The following POM121L2 variants were observed in gnomAD, a reference collection of about 807,000 sequenced individuals.
POM121L2 encodes POM121 transmembrane nucleoporin like 2, also known as POM121-like protein 2.
For synonymous variants in POM121L2, 459 were observed against 483.8 expected (o/e 0.95, Z 0.67); for missense variants, 1,167 against 1,260.3 (o/e 0.93, Z 1.12).
rs1357110413 is a variant in POM121L2, at chr6:27,310,240, C to T, written c.1931G>A (p.Gly644Asp). ...DSVFKPPLDF[G>D]VVNVTSAVGN... ...TACGGCACTGGTGACATTCACTACACCAAAATCCAAAGGTGGCTTAAAAAC... is the reference window on the plus strand; with the variant it reads ...TACGGCACTGGTGACATTCACTACATCAAAATCCAAAGGTGGCTTAAAAAC... Residue 644 changes from glycine to aspartate, a missense_variant, in exon 1 of 1, where the codon GGT (glycine) becomes GAT (aspartate). Coordinates refer to ENST00000444565, the MANE Select transcript of POM121L2 (RefSeq NM_033482.4). 5 of 1,552,236 alleles carry T rather than the reference C, an allele frequency of 3.2e-6. No individual in the cohort carries two copies. Among genetic ancestry groups the T allele is most frequent in the Non-Finnish European group, 4.4e-6 (5 of 1,147,150 alleles).
In POM121L2 at chr6:27,310,074, G is replaced by A; in HGVS notation, c.2097C>T (p.Val699=). The A allele has an allele frequency of 6.4e-7, 1 of 1,552,234 alleles. No individual in the cohort carries two copies. The highest frequency in any genetic ancestry group is 8.7e-7 in the Non-Finnish European group (1 of 1,147,108). The change falls in exon 1 of 1, where the codon GTC becomes GTT. Residue 699 remains valine (V), a synonymous_variant. Coordinates refer to ENST00000444565, the MANE Select transcript of POM121L2 (RefSeq NM_033482.4). ...TGGAAAGGACCTGGGTAAACATGGT[G>A]ACTGTATGCACAGTAGGAATTGTAG... The part of the protein sequence containing the change: ...HHPTIPTVHT[V]TMFTQVLSSV...
Position 27,311,081 on chromosome 6 carries a change from C to T in POM121L2, c.1090G>A (p.Gly364Arg), listed in dbSNP as rs1484344877. The T allele has an allele frequency of 8.4e-6, 13 of 1,551,800 alleles. No homozygotes were observed. Among genetic ancestry groups the T allele is most frequent in the Non-Finnish European group, 7.0e-6 (8 of 1,147,046 alleles). Reference protein sequence around the residue: ...KAELQVSNNAGEDTTEVNTDP... With the variant: ...KAELQVSNNAREDTTEVNTDP... The stretch of plus-strand genomic sequence containing the variant: ...GTGTTGACCTCAGTTGTATCTTCTC[C>T]TGCGTTGTTGCTTACCTGTAGCTCA... The change falls in exon 1 of 1, where the codon GGA (glycine) becomes AGA (arginine). Residue 364 changes from glycine (G) to arginine (R), a missense_variant. Gly to Arg is a moderately radical substitution (Grantham distance 125). Coordinates refer to ENST00000444565, the MANE Select transcript of POM121L2 (RefSeq NM_033482.4).
rs1327834617 is a variant in POM121L2, at chr6:27,310,845, G to A, written c.1326C>T (p.Thr442=). 6.4e-7 allele frequency: 1 copy of A among 1,551,612 alleles called. No homozygotes were observed. The highest frequency in any genetic ancestry group is 1.4e-5 in the African/African-American group (1 of 73,028). Residue 442 remains threonine (T), a synonymous_variant, in exon 1 of 1, where the codon ACC becomes ACT. Transcript: ENST00000444565. ...HSPLKTPSLP[T]PPGCSQSELL... ...GCTCTGACTGTGAGCACCCAGGTGGGGTCGGTAGGCTGGGTGTCTTCAAAG... is the reference window on the plus strand; with the variant it reads ...GCTCTGACTGTGAGCACCCAGGTGGAGTCGGTAGGCTGGGTGTCTTCAAAG...
chr6:27,312,177 A>C lies in POM121L2; in HGVS notation c.-7T>G. The C allele has an allele frequency of 1.4e-6, 2 of 1,434,138 alleles. No individual in the cohort carries two copies. The highest frequency in any genetic ancestry group is 1.8e-6 in the Non-Finnish European group (2 of 1,092,288). 88.8% of individuals were successfully genotyped at this position (1,434,138 alleles called of 1,614,324 possible). A position where few individuals can be genotyped will look rare whatever the true frequency, so the allele number is the denominator to read the frequency against. ...TGCTCAGGAAACTGCCCATGAGGAG[A>C]GATGAGGCGCGGGCAGTGAGTTCAA... On this transcript the variant is annotated 5_prime_UTR_variant, in exon 1 of 1. Coordinates refer to ENST00000444565, the MANE Select transcript of POM121L2 (RefSeq NM_033482.4). This position sits in a 1 kb window ranked among gnomAD's most constrained non-coding sequence, Gnocchi z 6.7.
Position 27,312,053 on chromosome 6 carries a change from G to A in POM121L2, c.118C>T (p.Arg40Trp), listed in dbSNP as rs1350691353. 6.6e-7 allele frequency: 1 copy of A among 1,522,660 alleles called. No individual in the cohort carries two copies. The highest frequency in any genetic ancestry group is 8.8e-7 in the Non-Finnish European group (1 of 1,130,552). 94.3% of individuals were successfully genotyped at this position (1,522,660 alleles called of 1,614,324 possible). A position where few individuals can be genotyped will look rare whatever the true frequency, so the allele number is the denominator to read the frequency against. ...RPPQPLHQVH[R>W]VQFVHRAHPA... Reference sequence around the variant, plus strand: ...TGGGCGCGGTGGACGAACTGAACCCGATGAACTTGGTGAAGGGGCTGAGGT... The same window carrying A: ...TGGGCGCGGTGGACGAACTGAACCCAATGAACTTGGTGAAGGGGCTGAGGT... Residue 40 changes from arginine to tryptophan, a missense_variant, in exon 1 of 1, where the codon CGG becomes TGG. Physicochemically the swap from Arg to Trp is moderately radical, Grantham distance 101 (BLOSUM62 -3). Transcript: ENST00000444565. The surrounding 1 kb of genome is among the most constrained non-coding windows in gnomAD (Gnocchi z 6.7).
rs1200029403 is a variant in POM121L2 at position 27,311,011 on chromosome 6, G to C, written c.1160C>G (p.Ser387Cys). 1 of 1,552,236 alleles carries C rather than the reference G, an allele frequency of 6.4e-7. No homozygotes were observed. Among genetic ancestry groups the C allele is most frequent in the East Asian group, 2.4e-5 (1 of 40,922 alleles). ...ETWLAIQPSL[S>C]LALPSSETDL... ...TGTTTCTGAAGAAGGCAGAGCAAGA[G>C]ACAAGGAAGGCTGAATAGCAAGCCA... Residue 387 changes from serine (S) to cysteine (C), a missense_variant, in exon 1 of 1, where the codon TCT (serine) becomes TGT (cysteine). Physicochemically the swap from Ser to Cys is moderately radical, Grantham distance 112 (BLOSUM62 -1). Transcript: ENST00000444565.
chr6:27,309,876 T>C lies in POM121L2; in HGVS notation c.2295A>G (p.Pro765=). The C allele has an allele frequency of 6.4e-7, 1 of 1,551,660 alleles. No homozygotes were observed. The highest frequency in any genetic ancestry group is 8.7e-7 in the Non-Finnish European group (1 of 1,146,978). ...PLGSSSRPPF[P]LSQGANPQPA... Reference sequence around the variant, plus strand: ...GCTGGGGATTAGCTCCTTGGGATAGTGGGAAAGGTGGCCTTGAGCTTGATC... The same window carrying C: ...GCTGGGGATTAGCTCCTTGGGATAGCGGGAAAGGTGGCCTTGAGCTTGATC... Residue 765 remains proline, a synonymous_variant, in exon 1 of 1, where the codon CCA becomes CCG. Transcript: ENST00000444565.
chr6:27,312,268 T>C lies in POM121L2; in HGVS notation c.-98A>G, dbSNP rs1159016908. The C allele has an allele frequency of 3.4e-5, 26 of 768,694 alleles. No individual in the cohort carries two copies. Among genetic ancestry groups the C allele is most frequent in the Non-Finnish European group, 4.5e-5 (23 of 511,340 alleles). 47.6% of individuals were successfully genotyped at this position (768,694 alleles called of 1,614,324 possible). On this transcript the variant is annotated 5_prime_UTR_variant, in exon 1 of 1. Transcript: ENST00000444565. The surrounding 1 kb of genome is among the most constrained non-coding windows in gnomAD (Gnocchi z 6.7). Reference sequence around the variant, plus strand: ...CGGACAGAGTCGAAGAGCGCAGTGTTCGGTTGACGGTTGGGATTCACGCGC... The same window carrying C: ...CGGACAGAGTCGAAGAGCGCAGTGTCCGGTTGACGGTTGGGATTCACGCGC...
Position 27,310,707 on chromosome 6 carries a change from C to T in POM121L2, c.1464G>A (p.Gln488=), listed in dbSNP as rs552976408. The change falls in exon 1 of 1, where the codon CAG becomes CAA. Residue 488 remains glutamine, a synonymous_variant. Transcript: ENST00000444565. The part of the protein sequence containing the change: ...TDTTWPPSTS[Q]ADRSPMPPDP... ...CTGGGGGCATGGGAGACCTGTCAGC[C>T]TGAGAGGTTGAAGGCGGCCAGGTGG... The T allele has an allele frequency of 6.4e-7, 1 of 1,551,846 alleles. No individual in the cohort carries two copies. The highest frequency in any genetic ancestry group is 2.4e-5 in the East Asian group (1 of 40,896).
chr6:27,310,873 G>A lies in POM121L2; in HGVS notation c.1298C>T (p.Ser433Phe), dbSNP rs1240326510. Residue 433 changes from serine to phenylalanine, a missense_variant, in exon 1 of 1, where the codon TCT becomes TTT. By Grantham distance (155) the Ser-to-Phe change is radical (BLOSUM62 -2). Transcript: ENST00000444565. ...STGEATSVAH[S>F]PLKTPSLPTP... ...CGGTAGGCTGGGTGTCTTCAAAGGA[G>A]AATGGGCCACACTGGTTGCCTCTCC... is the stretch of plus-strand genomic sequence containing the variant. 2 of 1,551,780 alleles carry A rather than the reference G, an allele frequency of 1.3e-6. No individual in the cohort carries two copies. Among genetic ancestry groups the A allele is most frequent in the Admixed American group, 3.9e-5 (2 of 51,014 alleles).
In POM121L2 at chr6:27,309,431, G is replaced by C; in HGVS notation, c.2740C>G (p.Pro914Ala). ...GIIMTGPDMS[P>A]TSGAFSIGAL... is the part of the protein sequence containing the mutation. Reference sequence around the variant, plus strand: ...CCAATGCTGAAAGCTCCAGAGGTGGGGCTCATGTCTGGACCAGTCATTATG... The same window carrying C: ...CCAATGCTGAAAGCTCCAGAGGTGGCGCTCATGTCTGGACCAGTCATTATG... The change falls in exon 1 of 1, where the codon CCC (proline) becomes GCC (alanine). Residue 914 changes from proline (P) to alanine (A), a missense_variant. Physicochemically the swap from Pro to Ala is conservative, Grantham distance 27. Transcript: ENST00000444565. 1 of 1,551,528 alleles carries C rather than the reference G, an allele frequency of 6.4e-7. No homozygotes were observed. The highest frequency in any genetic ancestry group is 1.4e-5 in the African/African-American group (1 of 73,156).
chr6:27,310,597 G>C lies in POM121L2; in HGVS notation c.1574C>G (p.Pro525Arg). 6.4e-7 allele frequency: 1 copy of C among 1,551,992 alleles called. No individual in the cohort carries two copies. Among genetic ancestry groups the C allele is most frequent in the Non-Finnish European group, 8.7e-7 (1 of 1,147,046 alleles). The change falls in exon 1 of 1, where the codon CCT (proline) becomes CGT (arginine). Residue 525 changes from proline (P) to arginine (R), a missense_variant. Transcript: ENST00000444565. ...PTSHLSASAP[P>R]DATSAHLMLK... ...CATGAGGTGAGCAGAAGTTGCATCA[G>C]GAGGTGCAGATGCAGAAAGATGGGA...
chr6:27,310,812 T>C lies in POM121L2; in HGVS notation c.1359A>G (p.Pro453=), dbSNP rs1742836166. ...PPGCSQSELL[P]GTSPDSKPTA... The stretch of plus-strand genomic sequence containing the variant: ...TGGGCTTTGAGTCTGGAGAGGTGCC[T>C]GGAAGGAGCTCTGACTGTGAGCACC... Residue 453 remains proline (P), a synonymous_variant, in exon 1 of 1, where the codon CCA becomes CCG. Coordinates refer to ENST00000444565, the MANE Select transcript of POM121L2 (RefSeq NM_033482.4). 3 of 1,551,524 alleles carry C rather than the reference T, an allele frequency of 1.9e-6. No individual in the cohort carries two copies. Among genetic ancestry groups the C allele is most frequent in the Admixed American group, 2.0e-5 (1 of 50,966 alleles).
At position 27,311,149 on chromosome 6, in the gene POM121L2, C is replaced by G. The variant is rs745690911; in HGVS notation, c.1022G>C (p.Gly341Ala). 2 of 1,551,898 alleles carry G rather than the reference C, an allele frequency of 1.3e-6. No homozygotes were observed. Among genetic ancestry groups the G allele is most frequent in the Non-Finnish European group, 1.7e-6 (2 of 1,147,062 alleles). The change falls in exon 1 of 1, where the codon GGT becomes GCT. Residue 341 changes from glycine to alanine, a missense_variant. By Grantham distance (60) the Gly-to-Ala change is moderately conservative (BLOSUM62 0). Transcript: ENST00000444565. ...LVSEIPPPQLGYAVSDENLTL... is the reference protein window; with the variant it reads ...LVSEIPPPQLAYAVSDENLTL... Reference sequence around the variant, plus strand: ...CAAGTTCTCATCAGAGACTGCATAACCAAGCTGGGGAGGTGGGATCTCTGA... The same window carrying G: ...CAAGTTCTCATCAGAGACTGCATAAGCAAGCTGGGGAGGTGGGATCTCTGA...
Position 27,310,024 on chromosome 6 carries a change from C to A in POM121L2, c.2147G>T (p.Ser716Ile). Residue 716 changes from serine (S) to isoleucine (I), a missense_variant, in exon 1 of 1, where the codon AGC becomes ATC. By Grantham distance (142) the Ser-to-Ile change is moderately radical. Transcript: ENST00000444565. ...LSSVVQISPRSSTANFRGMGS... is the reference protein window; with the variant it reads ...LSSVVQISPRISTANFRGMGS... ...CATACCCCTGAAATTAGCAGTGCTG[C>A]TTCTAGGGGATATCTGTACAACACT... 3.9e-6 allele frequency: 6 copies of A among 1,552,144 alleles called. No individual in the cohort carries two copies. Among genetic ancestry groups the A allele is most frequent in the Non-Finnish European group, 5.2e-6 (6 of 1,147,088 alleles).
chr6:27,309,715 G>T lies in POM121L2; in HGVS notation c.2456C>A (p.Ala819Asp). The change falls in exon 1 of 1, where the codon GCC becomes GAC. Residue 819 changes from alanine (A) to aspartate (D), a missense_variant. Physicochemically the swap from Ala to Asp is moderately radical, Grantham distance 126. Coordinates refer to ENST00000444565, the MANE Select transcript of POM121L2 (RefSeq NM_033482.4). Reference sequence around the variant, plus strand: ...GGCTGACTGTGTGGTACTAATGAAGGCTGGCTGAGCTGGAGTTGGCATGGG... The same window carrying T: ...GGCTGACTGTGTGGTACTAATGAAGTCTGGCTGAGCTGGAGTTGGCATGGG... ...PTPMPTPAQP[A>D]FISTTQSALG... The T allele has an allele frequency of 6.4e-7, 1 of 1,551,744 alleles. No individual in the cohort carries two copies. The highest frequency in any genetic ancestry group is 8.7e-7 in the Non-Finnish European group (1 of 1,147,008).
chr6:27,310,900 G>A lies in POM121L2; in HGVS notation c.1271C>T (p.Thr424Met), dbSNP rs1001596414. 29 of 1,551,712 alleles carry A rather than the reference G, an allele frequency of 1.9e-5. No homozygotes were observed. The highest frequency in any genetic ancestry group is 3.6e-5 in the South Asian group (3 of 84,062). The change falls in exon 1 of 1, where the codon ACG becomes ATG. Residue 424 changes from threonine to methionine, a missense_variant. Thr to Met is a moderately conservative substitution (Grantham distance 81). Coordinates refer to ENST00000444565, the MANE Select transcript of POM121L2 (RefSeq NM_033482.4). ...SLGPLASPQSTGEATSVAHSP... is the reference protein window; with the variant it reads ...SLGPLASPQSMGEATSVAHSP... ...ATGGGCCACACTGGTTGCCTCTCCC[G>A]TGGACTGTGGAGAGGCCAGTGGACC... is the stretch of plus-strand genomic sequence containing the variant.
At chr6:27,311,320 C>T, upstream of POM121L2, 1 of 1,551,646 alleles carries the variant, frequency 6.4e-7, no homozygotes, top group Non-Finnish European at 8.7e-7. Flanking sequence ...TTTTATTGGC[C>T]ACTCTGGTGT....
chr6:27,311,552 A>T lies in POM121L2; in HGVS notation c.619T>A (p.Ser207Thr), dbSNP rs1760746042. The stretch of plus-strand genomic sequence containing the variant: ...AGCGGCCCAGGCCTGGGCACAAAAG[A>T]AGTGAGGGTTCCATTTTTCATCAGG... ...KPLMKNGTLTSFVPRPGPLKR... is the reference protein window; with the variant it reads ...KPLMKNGTLTTFVPRPGPLKR... Residue 207 changes from serine to threonine, a missense_variant, in exon 1 of 1, where the codon TCT (serine) becomes ACT (threonine). Physicochemically the swap from Ser to Thr is moderately conservative, Grantham distance 58 (BLOSUM62 1). Transcript: ENST00000444565. 1 of 1,551,534 alleles carries T rather than the reference A, an allele frequency of 6.4e-7. No individual in the cohort carries two copies. The highest frequency in any genetic ancestry group is 1.4e-5 in the African/African-American group (1 of 73,036).
Sources: allele counts gnomAD v4.1 joint callset, GRCh38; gene constraint gnomAD v4.1.1; non-coding constraint Gnocchi (gnomAD v3.1); transcripts MANE v1.5; gene names NCBI Gene and HGNC (gene_info 2026-07-23, HGNC 2026-07-21).